The following CALCA variants were observed in gnomAD, a reference collection of about 807,000 sequenced individuals.
CALCA encodes the protein calcitonin.
CALCA carries 4 observed loss-of-function variants against 6.9 expected under a neutral mutation model. The observed-to-expected ratio is 0.58, with a 90% CI of 0.29 to 1.33. The LOEUF is 1.33. Ranked by LOEUF, CALCA falls within the 40% of genes most tolerant of loss-of-function variation. CALCA has a pLI of 0.09. For missense variants in CALCA, 174 were observed against 178.3 expected, an observed-to-expected ratio of 0.98 and a Z score of 0.14; for synonymous variants, 78 against 70.0, an observed-to-expected ratio of 1.11 and a Z score of -0.57.
intron 3 of CALCA, 41 bp from the exon 4 acceptor site, chr11:14,969,038 A>G: frequency 1.9e-6 from 3 of 1,583,148 alleles, no homozygotes; most frequent in Non-Finnish European, 2.6e-6. Context: ...ATGCACCAGA[A>G]TCTGTCCCCA....
chr11:14,969,057 C>A, intron 3 of CALCA, 60 bp from the exon 4 acceptor site: 1 of 1,532,738 alleles, frequency 6.5e-7, no homozygotes, highest in South Asian at 1.1e-5. Context: ...CATGGGCAGT[C>A]ACTTAGAAGG....
downstream of CALCA, chr11:14,968,486 A>C: frequency 1.6e-6 from 2 of 1,248,488 alleles, no homozygotes; most frequent in Non-Finnish European, 2.0e-6. Context: ...AGCAATGACC[A>C]CCACAGCTCA....
chr11:14,971,271 C>T (rs1849599006), intron 1 of CALCA, 70 bp from the exon 2 acceptor site: 1 of 1,012,080 alleles, frequency 9.9e-7, no homozygotes, highest in Admixed American at 1.7e-5. Context: ...ACCTTGGCTC[C>T]TATCCTGGTT....
At chr11:14,969,534 C>T (rs1024766081) in intron 3 of CALCA, among the ~76,000 whole-genome samples, 12 of 146,740 alleles carry the variant, frequency 8.2e-5, no homozygotes, top group African/African-American at 2.7e-4. Flanking sequence ...GAAAGAATGT[C>T]GTATGCAGAT....
Position 14,969,974 on chromosome 11 carries a change from G to T in CALCA, c.188C>A (p.Ala63Asp), listed in dbSNP as rs782654358. ...ALVQDYVQMKASELEQEQERE... is the reference protein window; with the variant it reads ...ALVQDYVQMKDSELEQEQERE... ...CTCTTGCTCCTGCTCCAGCTCACTG[G>T]CCTTCATCTGCACATAGTCCTGCAC... Residue 63 changes from alanine (A) to aspartate (D), a missense_variant, in exon 3 of 4, where the codon GCC becomes GAC. Coordinates refer to ENST00000331587, the MANE Select transcript of CALCA (RefSeq NM_001741.3). 2.1e-5 allele frequency: 34 copies of T among 1,613,722 alleles called. No homozygotes were observed. In the Admixed American group the frequency reaches 5.5e-4, roughly 26 times the overall value.
At chr11:14,967,832 A>G (rs782135021), downstream of CALCA, 1 of 1,614,234 alleles carries the variant, frequency 6.2e-7, no homozygotes, top group Non-Finnish European at 8.5e-7. Context: ...GCAGTGTCAC[A>G]GGCTCTCTTC....
At chr11:14,967,627 A>G, downstream of CALCA, 2 of 1,607,674 alleles carry the variant, frequency 1.2e-6, no homozygotes, top group African/African-American at 1.3e-5. Context: ...ACACCCCTGT[A>G]AAAACCAGTC....
chr11:14,971,225 C>G (rs782221834), intron 1 of CALCA, 24 bp from the exon 2 acceptor site: 1 of 1,539,478 alleles, frequency 6.5e-7, no homozygotes, highest in South Asian at 1.1e-5. Flanking sequence ...ATGAGATAAA[C>G]CACCTGCGCC....
chr11:14,970,474 C>A (rs782131179), intron 2 of CALCA, among the ~76,000 whole-genome samples: 1 of 152,100 alleles, frequency 6.6e-6, no homozygotes, highest in East Asian at 1.9e-4. Flanking sequence ...AATTTAGTGG[C>A]AAACTATTTA....
intron 3 of CALCA, among the ~76,000 whole-genome samples, chr11:14,969,339 G>A (rs1438868583): frequency 6.6e-6 from 1 of 152,082 alleles, no homozygotes; most frequent in Non-Finnish European, 1.5e-5. Flanking sequence ...TCAGGCTCAA[G>A]GTACACAGGG....
At chr11:14,970,372 T>C (rs1849572435) in intron 2 of CALCA, among the ~76,000 whole-genome samples, 1 of 152,220 alleles carries the variant, frequency 6.6e-6, no homozygotes, top group Non-Finnish European at 1.5e-5. Flanking sequence ...AACTTACAGT[T>C]AGTGCTGAAC....
chr11:14,968,891 C>A lies in CALCA; in HGVS notation c.334G>T (p.Gly112Trp), dbSNP rs34670162. 1 of 1,614,128 alleles carries A rather than the reference C, an allele frequency of 6.2e-7. No individual in the cohort carries two copies. The highest frequency in any genetic ancestry group is 8.5e-7 in the Non-Finnish European group (1 of 1,180,030). ...CTTTTCTTTCCAGGTGCTCCAACCC[C>A]AATTGCAGTTTGGGGGAACGTGTGA... ...KFHTFPQTAI[G>W]VGAPGKKRDM... Residue 112 changes from glycine to tryptophan, a missense_variant, in exon 4 of 4, where the codon GGG (glycine) becomes TGG (tryptophan). Gly to Trp is a radical substitution (Grantham distance 184). Transcript: ENST00000331587.
intron 2 of CALCA, 132 bp downstream of exon 2, chr11:14,970,974 CA>C: frequency 1.4e-6 from 1 of 701,834 alleles, no homozygotes; most frequent in Non-Finnish European, 2.6e-6. Context: ...ATTTTTATAT[CA>C]AAAAATTATA....
At chr11:14,968,478 C>T, downstream of CALCA, 4 of 1,239,382 alleles carry the variant, frequency 3.2e-6, no homozygotes, top group Non-Finnish European at 4.1e-6. Flanking sequence ...TAGATCAGAG[C>T]AATGACCACC....
At chr11:14,967,789 AGCAAGCCTGCCAGCC>A, downstream of CALCA, 1 of 1,614,252 alleles carries the variant, frequency 6.2e-7, no homozygotes, top group Non-Finnish European at 8.5e-7. Flanking sequence ...TGATCTGCTC[AGCAAGCCTGCCAGCC>A]GATGAGTCAC....
chr11:14,970,136 A>G, intron 2 of CALCA, 61 bp from the exon 3 acceptor site: 1 of 1,600,322 alleles, frequency 6.2e-7, no homozygotes, highest in Admixed American at 1.7e-5. Flanking sequence ...TCCCCAGGAT[A>G]AGCAGCCAGG....
chr11:14,970,075 CCTGTGGAGGGGAAGCAAACTCAGTGCAGG>C lies in CALCA; in HGVS notation c.87-29_87-1del. 6.2e-7 allele frequency: 1 copy of C among 1,614,190 alleles called. No homozygotes were observed. Among genetic ancestry groups the C allele is most frequent in the South Asian group, 1.1e-5 (1 of 91,072 alleles). On this transcript the variant is annotated splice_acceptor_variant and splice_polypyrimidine_tract_variant and intron_variant, in intron 2 of 3. Coordinates refer to ENST00000331587, the MANE Select transcript of CALCA (RefSeq NM_001741.3). LOFTEE classifies it high-confidence loss of function. ...CTGCTGGGCTGCTCTCCAGGGCAGACCTGTGGAGGGGAAGCAAACTCAGTGCAGGCTGTGAGCCCCTGCCTGCCCCTCCC... is the reference window on the plus strand; with the variant it reads ...CTGCTGGGCTGCTCTCCAGGGCAGACCTGTGAGCCCCTGCCTGCCCCTCCC...
At chr11:14,967,933 T>C (rs904997182), downstream of CALCA, 16 of 1,545,634 alleles carry the variant, frequency 1.0e-5, no homozygotes, top group Non-Finnish European at 9.8e-6. Flanking sequence ...GGGACCTTCA[T>C]GGTAAAGTTG....
At chr11:14,970,107 G>C in intron 2 of CALCA, 32 bp from the exon 3 acceptor site, 1 of 1,612,724 alleles carries the variant, frequency 6.2e-7, no homozygotes. Flanking sequence ...AGTGCAGGCT[G>C]TGAGCCCCTG....
Sources: allele counts gnomAD v4.1 joint callset (sites outside exome capture counted in the v4.1 genomes callset), GRCh38; gene constraint gnomAD v4.1.1; transcripts MANE v1.5; gene names NCBI Gene and HGNC (gene_info 2026-07-23, HGNC 2026-07-21).